Variants in FMN1 observed in about 807,000 individuals in gnomAD.
FMN1 encodes formin-1.
Under a neutral mutation model 132.4 loss-of-function variants are expected in FMN1, and 110 were observed. That is an observed-to-expected ratio of 0.83 (90% CI 0.71 to 0.97). FMN1 has a LOEUF of 0.97. Ranked by LOEUF, FMN1 falls within the 50% of genes least tolerant of loss-of-function variation. The pLI, the probability that FMN1 is intolerant of heterozygous loss-of-function variation, is 0.00. For missense variants in FMN1, 1,792 were observed against 1,705.3 expected, an observed-to-expected ratio of 1.05 and a Z score of -0.90; for synonymous variants, 722 against 651.7, an observed-to-expected ratio of 1.11 and a Z score of -1.64.
intron 17 of FMN1, among the ~76,000 whole-genome samples, chr15:32,828,302 T>C (rs1166801885): frequency 1.3e-5 from 2 of 152,184 alleles, no homozygotes; most frequent in African/African-American, 4.8e-5. Context: ...TAGATCCATA[T>C]GTATCAACAT....
chr15:32,955,093 C>T (rs2061734527), intron 9 of FMN1, among the ~76,000 whole-genome samples: 1 of 152,208 alleles, frequency 6.6e-6, no homozygotes, highest in Non-Finnish European at 1.5e-5. Flanking sequence ...CCAGTTTTCT[C>T]ATGTATAAAA....
chr15:33,052,649 T>C (rs2037031104), intron 6 of FMN1, among the ~76,000 whole-genome samples: 1 of 152,150 alleles, frequency 6.6e-6, no homozygotes, highest in South Asian at 2.1e-4. Context: ...GCCAAATACC[T>C]AGGCAGATAA....
intron 15 of FMN1, among the ~76,000 whole-genome samples, chr15:32,896,986 C>A (rs2060175391): frequency 6.6e-6 from 1 of 152,150 alleles, no homozygotes; most frequent in Non-Finnish European, 1.5e-5. Context: ...AAGAAACTCC[C>A]TACTGTTTTC....
chr15:32,893,014 A>C (rs1462327401), intron 15 of FMN1, among the ~76,000 whole-genome samples: 1 of 152,184 alleles, frequency 6.6e-6, no homozygotes, highest in East Asian at 1.9e-4. Flanking sequence ...CTTGTAAAAC[A>C]TGGTTCTGAG....
intron 7 of FMN1, among the ~76,000 whole-genome samples, chr15:32,971,433 A>AC (rs775683539): frequency 4.6e-5 from 7 of 152,310 alleles, no homozygotes; most frequent in Non-Finnish European, 7.3e-5. Context: ...ACTACCGATT[A>AC]CCTAAGTAAT....
intron 7 of FMN1, among the ~76,000 whole-genome samples, chr15:33,007,707 A>C (rs1039116390): frequency 1.3e-5 from 2 of 152,162 alleles, no homozygotes; most frequent in African/African-American, 2.4e-5. Context: ...AGAAAAAAAA[A>C]CTTCTACTAT....
chr15:32,907,223 T>A (rs28415939), intron 12 of FMN1, among the ~76,000 whole-genome samples: 12,146 of 152,180 alleles, frequency 0.08, 587 homozygotes, highest in African/African-American at 0.13. Flanking sequence ...CATACAATGA[T>A]ATAATTATAC....
At chr15:33,128,032 C>T (rs1258072553) in intron 4 of FMN1, among the ~76,000 whole-genome samples, 2 of 151,982 alleles carry the variant, frequency 1.3e-5, no homozygotes, top group Non-Finnish European at 2.9e-5. Flanking sequence ...GCAGAATGCC[C>T]AGACACGACA....
chr15:33,112,842 A>C, intron 4 of FMN1, among the ~76,000 whole-genome samples: 1 of 152,152 alleles, frequency 6.6e-6, no homozygotes, highest in Non-Finnish European at 1.5e-5. Flanking sequence ...CAGCAGAGTT[A>C]TCCAAATGTC....
intron 16 of FMN1, among the ~76,000 whole-genome samples, chr15:32,875,449 G>A (rs572919412): frequency 1.1e-4 from 17 of 152,326 alleles, no homozygotes; most frequent in African/African-American, 3.4e-4. Context: ...CATTTCAAAT[G>A]GGGAAAAGGC....
At chr15:33,065,202 T>C in intron 5 of FMN1, 128 bp from the exon 6 acceptor site, 2 of 572,802 alleles carry the variant, frequency 3.5e-6, no homozygotes, top group Non-Finnish European at 6.1e-6. Flanking sequence ...TCATTCACTA[T>C]AATTCAGATA....
chr15:32,768,263 TG>T lies in FMN1; in HGVS notation c.*6046del, dbSNP rs1024790679. ...TGGTCTATGGGACTAACCTTTCATT[TG>T]GGAAAGACAGATCTGGAAAGCGAAC... On this transcript the variant is annotated 3_prime_UTR_variant, in exon 21 of 21. Coordinates refer to ENST00000616417, the MANE Select transcript of FMN1 (RefSeq NM_001277313.2). 3 of 152,170 alleles carry T rather than the reference TG, an allele frequency of 2.0e-5. No homozygotes were observed. The highest frequency in any genetic ancestry group is 7.2e-5 in the African/African-American group (3 of 41,430). 9.4% of individuals were successfully genotyped at this position (152,170 alleles called of 1,614,324 possible).
intron 15 of FMN1, among the ~76,000 whole-genome samples, chr15:32,895,539 C>T (rs1204144242): frequency 6.6e-6 from 1 of 151,948 alleles, no homozygotes; most frequent in Admixed American, 6.6e-5. Flanking sequence ...GGTGAATCAA[C>T]GGCAGGCTAA....
At chr15:32,845,236 G>A (rs1396136369) in intron 17 of FMN1, among the ~76,000 whole-genome samples, 1 of 152,152 alleles carries the variant, frequency 6.6e-6, no homozygotes, top group Non-Finnish European at 1.5e-5. Flanking sequence ...ATTACGTGAG[G>A]CAATTTATCA....
At chr15:32,785,218 A>ATATATATATATATTT (rs1444523400) in intron 19 of FMN1, among the ~76,000 whole-genome samples, 1 of 39,204 alleles carries the variant, frequency 2.6e-5, no homozygotes, top group Non-Finnish European at 4.5e-5. Context: ...ATATATATAT[A>ATATATATATATATTT]TTTTTTTTTT....
intron 6 of FMN1, among the ~76,000 whole-genome samples, chr15:33,052,906 A>G (rs1030002060): frequency 3.3e-5 from 5 of 152,062 alleles, no homozygotes; most frequent in Non-Finnish European, 5.9e-5. Context: ...TTCACAAACC[A>G]ATCAGCATGC....
intron 16 of FMN1, among the ~76,000 whole-genome samples, chr15:32,885,094 T>C (rs2059863728): frequency 6.6e-6 from 1 of 152,236 alleles, no homozygotes; most frequent in Non-Finnish European, 1.5e-5. Context: ...GCTGTTACTT[T>C]CACTGAACCA....
Position 32,910,473 on chromosome 15 carries a change from C to T in FMN1, c.3288+1G>A, listed in dbSNP as rs778389695. 32 of 1,573,516 alleles carry T rather than the reference C, an allele frequency of 2.0e-5. No individual in the cohort carries two copies. Among genetic ancestry groups the T allele is most frequent in the East Asian group, 2.3e-5 (1 of 42,944 alleles). ...TAGCTCTGTAAGTCTTTGACACTCA[C>T]GTTTTCATATAAGGCTGCCAGGGTC... On this transcript the variant is annotated splice_donor_variant, in intron 11 of 20. Coordinates refer to ENST00000616417, the MANE Select transcript of FMN1 (RefSeq NM_001277313.2). LOFTEE classifies it high-confidence loss of function.
intron 17 of FMN1, among the ~76,000 whole-genome samples, chr15:32,841,631 C>T (rs1214229266): frequency 6.6e-6 from 1 of 152,042 alleles, no homozygotes; most frequent in Non-Finnish European, 1.5e-5. Flanking sequence ...TTGTGTGTTT[C>T]AGTAGGCATG....
Sources: gnomAD v4.1 joint callset for allele counts (sites outside exome capture counted in the v4.1 genomes callset) on GRCh38, gnomAD v4.1.1 for gene constraint, MANE v1.5 for transcripts, NCBI Gene and HGNC (gene_info 2026-07-23, HGNC 2026-07-21) for gene names.